FAM169A: variants seen among roughly 807,000 people sequenced by gnomAD.
The protein encoded by FAM169A is family with sequence similarity 169 member A.
In FAM169A, 24 loss-of-function variants were observed where a neutral mutation model predicts 75.7. The ratio of observed to expected loss-of-function variants is 0.32; its 90% CI spans 0.23 to 0.45. The LOEUF is 0.45. FAM169A is among the 20% of genes least tolerant of loss of function. The probability of loss-of-function intolerance (pLI) is 1.00; values close to 1 mark genes in which losing one functional copy is unlikely to be tolerated. For synonymous variants in FAM169A, 271 were observed against 271.0 expected, an observed-to-expected ratio of 1.00 and a Z score of 0.00; for missense variants, 673 against 784.0, an observed-to-expected ratio of 0.86 and a Z score of 1.69.
upstream of FAM169A, chr5:74,866,902 T>G (rs1750378101): frequency 3.0e-6 from 3 of 985,544 alleles, no homozygotes; most frequent in East Asian, 1.1e-4. Context: ...CCCCACCACT[T>G]TCATCCTAAA....
intron 6 of FAM169A, among the ~76,000 whole-genome samples, chr5:74,812,760 G>GC (rs370094657): frequency 2.6e-4 from 40 of 152,180 alleles, no homozygotes; most frequent in African/African-American, 9.6e-4. Context: ...ACTATGAGAT[G>GC]CCCCTGCACA....
intron 11 of FAM169A, among the ~76,000 whole-genome samples, chr5:74,788,414 T>C (rs934557923): frequency 4.0e-5 from 6 of 151,886 alleles, no homozygotes; most frequent in Non-Finnish European, 7.4e-5. Context: ...CCTAGAAAAA[T>C]AGTCAATCAG....
In FAM169A at chr5:74,866,181, G is replaced by C. The variant is rs1217630783; in HGVS notation, c.-20C>G. The C allele has an allele frequency of 4.1e-6, 4 of 984,114 alleles. No individual in the cohort carries two copies. In the African/African-American group the frequency reaches 5.3e-5, roughly 13 times the overall value. 61.0% of individuals were successfully genotyped at this position (984,114 alleles called of 1,614,324 possible). A position where few individuals can be genotyped will look rare whatever the true frequency, so the allele number is the denominator to read the frequency against. ...CGCACTCACCTCAGACGCGCCCCGG[G>C]AGCCGCTGGAAGAGCCCGGGAAAGG... is the stretch of plus-strand genomic sequence containing the variant. On this transcript the variant is annotated 5_prime_UTR_variant, in exon 1 of 13. Transcript: ENST00000687041.
chr5:74,799,602 T>C (rs1580093657), intron 10 of FAM169A: 4 of 1,465,192 alleles, frequency 2.7e-6, no homozygotes. Context: ...GCGGTGGCAC[T>C]GGTGGCTGGG....
intron 5 of FAM169A, among the ~76,000 whole-genome samples, chr5:74,824,373 T>C (rs971261457): frequency 1.3e-5 from 2 of 152,210 alleles, no homozygotes; most frequent in African/African-American, 4.8e-5. Context: ...TATATACTTC[T>C]TGATATAGGC....
In FAM169A at chr5:74,800,891, A is replaced by G. The variant is rs766795583; in HGVS notation, c.1092T>C (p.Ala364=). 2 of 1,433,006 alleles carry G rather than the reference A, an allele frequency of 1.4e-6. No individual in the cohort carries two copies. Among genetic ancestry groups the G allele is most frequent in the Non-Finnish European group, 1.8e-6 (2 of 1,087,500 alleles). The allele number at this position is 1,433,006 out of a possible 1,614,324, so 88.8% of individuals were successfully genotyped here. The change falls in exon 10 of 13, where the codon GCT becomes GCC. Residue 364 remains alanine (A), a synonymous_variant. Transcript: ENST00000687041. ...DEKTSQTSLT[A]SINKLESTAR... is the part of the protein sequence containing the mutation. ...CAACAATTATTTACTTGTTTATTGA[A>G]GCTGTAAGTGAAGTCTGGGAGGTCT...
intron 1 of FAM169A, among the ~76,000 whole-genome samples, chr5:74,857,594 A>AAC (rs1029924282): frequency 1.5e-5 from 2 of 135,580 alleles, no homozygotes; most frequent in Non-Finnish European, 3.2e-5. Context: ...AAAAAAAAAA[A>AAC]AAAAAAAAAA....
At chr5:74,793,556 G>A (rs1019653617) in intron 11 of FAM169A, among the ~76,000 whole-genome samples, 17 of 152,216 alleles carry the variant, frequency 1.1e-4, no homozygotes, top group African/African-American at 3.9e-4. Context: ...GGGACTTGAG[G>A]GAAAGGGTAG....
intron 6 of FAM169A, among the ~76,000 whole-genome samples, chr5:74,810,126 A>G (rs988112043): frequency 6.6e-6 from 1 of 152,238 alleles, no homozygotes; most frequent in African/African-American, 2.4e-5. Context: ...AGGAATACTC[A>G]GCAAAATAAT....
At chr5:74,784,361 T>A (rs547149169) in intron 11 of FAM169A, among the ~76,000 whole-genome samples, 1 of 151,536 alleles carries the variant, frequency 6.6e-6, no homozygotes, top group Non-Finnish European at 1.5e-5. Flanking sequence ...AATATAAAAA[T>A]TAGCCAGGCA....
chr5:74,860,860 G>A (rs1034163153), intron 1 of FAM169A, among the ~76,000 whole-genome samples: 2 of 149,984 alleles, frequency 1.3e-5, no homozygotes, highest in Non-Finnish European at 3.0e-5. Context: ...AGTCTAGGCC[G>A]GACACAGTGG....
At chr5:74,846,109 T>A (rs1749143747) in intron 1 of FAM169A, among the ~76,000 whole-genome samples, 1 of 152,202 alleles carries the variant, frequency 6.6e-6, no homozygotes, top group Non-Finnish European at 1.5e-5. Context: ...ATATCCAAAT[T>A]GTATCAAAGA....
intron 4 of FAM169A, among the ~76,000 whole-genome samples, chr5:74,837,369 AC>A (rs1447088429): frequency 6.6e-6 from 1 of 152,166 alleles, no homozygotes; most frequent in African/African-American, 2.4e-5. Context: ...CTGGCAGATA[AC>A]CAGGTACACA....
chr5:74,851,885 T>G (rs543781791), intron 1 of FAM169A, among the ~76,000 whole-genome samples: 2 of 152,292 alleles, frequency 1.3e-5, no homozygotes, highest in South Asian at 4.1e-4. Flanking sequence ...GGGACTTTAG[T>G]AAAGTTAACA....
chr5:74,816,079 T>C (rs1465719106), intron 5 of FAM169A, among the ~76,000 whole-genome samples: 1 of 152,224 alleles, frequency 6.6e-6, no homozygotes, highest in Admixed American at 6.5e-5. Context: ...AACCCTCTCT[T>C]GGACCCCTTT....
intron 1 of FAM169A, among the ~76,000 whole-genome samples, chr5:74,850,226 T>G (rs1003857355): frequency 6.6e-6 from 1 of 152,190 alleles, no homozygotes; most frequent in African/African-American, 2.4e-5. Context: ...ACACTACTAG[T>G]AAGCAGCAGA....
intron 5 of FAM169A, among the ~76,000 whole-genome samples, chr5:74,821,318 T>C (rs1396827408): frequency 1.3e-5 from 2 of 152,182 alleles, no homozygotes; most frequent in African/African-American, 2.4e-5. Flanking sequence ...AGCGACACCA[T>C]TCAGGTCTAT....
chr5:74,834,207 G>A (rs757497570), intron 5 of FAM169A, among the ~76,000 whole-genome samples: 16 of 152,148 alleles, frequency 1.1e-4, no homozygotes, highest in African/African-American at 1.9e-4. Context: ...AATCTTCTTC[G>A]GGATCAAATG....
At chr5:74,863,284 C>G (rs536965308) in intron 1 of FAM169A, among the ~76,000 whole-genome samples, 6 of 152,232 alleles carry the variant, frequency 3.9e-5, no homozygotes, top group African/African-American at 1.4e-4. Flanking sequence ...TTCTTGTTAT[C>G]ATTGAAACAA....
Sources: gnomAD v4.1 joint callset for allele counts (sites outside exome capture counted in the v4.1 genomes callset) on GRCh38, gnomAD v4.1.1 for gene constraint, MANE v1.5 for transcripts, NCBI Gene and HGNC (gene_info 2026-07-23, HGNC 2026-07-21) for gene names.